STAG1: variants seen among roughly 807,000 people sequenced by gnomAD.
STAG1 encodes the protein STAG1 cohesin complex component, also known as cohesin subunit SA-1.
A neutral mutation model predicts 170.9 loss-of-function variants in STAG1; 26 were observed. The ratio of observed to expected loss-of-function variants is 0.15; its 90% CI spans 0.11 to 0.21. STAG1 has a LOEUF of 0.21. Among genes scored for constraint, STAG1 ranks in the 10% least tolerant of loss-of-function variants. The pLI, the probability that STAG1 is intolerant of heterozygous loss-of-function variation, is 1.00. For synonymous variants in STAG1, 514 were observed against 497.7 expected, an observed-to-expected ratio of 1.03 and a Z score of -0.44; for missense variants, 964 against 1,509.5, an observed-to-expected ratio of 0.64 and a Z score of 5.99.
chr3:136,718,108 T>G (rs2107926314), intron 1 of STAG1, among the ~76,000 whole-genome samples: 1 of 152,272 alleles, frequency 6.6e-6, no homozygotes, highest in South Asian at 2.1e-4. Context: ...TAAACAAAGG[T>G]AAAAAGAAAT....
intron 12 of STAG1, among the ~76,000 whole-genome samples, chr3:136,472,087 T>C (rs1456718417): frequency 6.6e-6 from 1 of 152,166 alleles, no homozygotes; most frequent in Non-Finnish European, 1.5e-5. Flanking sequence ...TCCTCCCGCC[T>C]TGGCCTTCCA....
intron 20 of STAG1, among the ~76,000 whole-genome samples, chr3:136,419,623 G>GTT (rs11320131): frequency 6.3e-4 from 86 of 136,488 alleles, no homozygotes; most frequent in Middle Eastern, 3.7e-3. Flanking sequence ...TTTTGTGTGT[G>GTT]TTTTTTTTTT....
chr3:136,392,982 T>C (rs2087052999), intron 22 of STAG1, among the ~76,000 whole-genome samples: 1 of 152,250 alleles, frequency 6.6e-6, no homozygotes, highest in Non-Finnish European at 1.5e-5. Flanking sequence ...AATAAAAATA[T>C]GTGACCTCTT....
intron 13 of STAG1, among the ~76,000 whole-genome samples, chr3:136,455,647 C>T (rs112596560): frequency 4.6e-5 from 7 of 152,320 alleles, no homozygotes; most frequent in African/African-American, 1.4e-4. Context: ...GGCACATTGG[C>T]CAGTGGGAAT....
At position 136,357,860 on chromosome 3, in the gene STAG1, G is replaced by C; in HGVS notation, c.2937-12C>G. 2 of 1,583,016 alleles carry C rather than the reference G, an allele frequency of 1.3e-6. No homozygotes were observed. The highest frequency in any genetic ancestry group is 1.2e-5 in the South Asian group (1 of 84,488). On this transcript the variant is annotated splice_polypyrimidine_tract_variant and intron_variant, in intron 27 of 33. Transcript: ENST00000383202. ...ACTCTATGCCATCCCTGAAGTAAAA[G>C]AAAATATCAACTTATTTTTCCAGAT...
chr3:136,567,054 TTAAGAGCAGTTAACTATGTGTAG>T (rs1937101934), intron 5 of STAG1, among the ~76,000 whole-genome samples: 1 of 152,196 alleles, frequency 6.6e-6, no homozygotes, highest in South Asian at 2.1e-4. Context: ...AACAAACTAG[TTAAGAGCAGTTAACTATGTGTAG>T]ATGGATGGGA....
chr3:136,705,852 AAAC>A (rs1340365800), intron 1 of STAG1, among the ~76,000 whole-genome samples: 2 of 152,164 alleles, frequency 1.3e-5, no homozygotes, highest in African/African-American at 2.4e-5. Flanking sequence ...GCTAAAAAAC[AAAC>A]AAATGGCCAG....
intron 1 of STAG1, among the ~76,000 whole-genome samples, chr3:136,734,139 A>C (rs538605239): frequency 6.6e-6 from 1 of 151,646 alleles, no homozygotes; most frequent in Non-Finnish European, 1.5e-5. Context: ...CAAAACAAAA[A>C]CAAAACAAAA....
rs758599957 is a variant in STAG1 at position 136,363,475 on chromosome 3, G to A, written c.2686-8C>T. The A allele has an allele frequency of 1.5e-6, 2 of 1,300,936 alleles. No homozygotes were observed. Among genetic ancestry groups the A allele is most frequent in the East Asian group, 2.6e-5 (1 of 38,982 alleles). The allele number at this position is 1,300,936 out of a possible 1,614,324, so 80.6% of individuals were successfully genotyped here. A position where few individuals can be genotyped will look rare whatever the true frequency, so the allele number is the denominator to read the frequency against. Reference sequence around the variant, plus strand: ...ACCATAGTCATTGTAATACTGTGAGGGAAAGAAAGAAAACATGGCTTTAAA... The same window carrying A: ...ACCATAGTCATTGTAATACTGTGAGAGAAAGAAAGAAAACATGGCTTTAAA... On this transcript the variant is annotated splice_polypyrimidine_tract_variant and splice_region_variant and intron_variant, in intron 25 of 33. Coordinates refer to ENST00000383202, the MANE Select transcript of STAG1 (RefSeq NM_005862.3).
chr3:136,513,773 T>C (rs1446138989), intron 7 of STAG1, among the ~76,000 whole-genome samples: 1 of 151,658 alleles, frequency 6.6e-6, no homozygotes, highest in Non-Finnish European at 1.5e-5. Flanking sequence ...CAAGAAACTA[T>C]CAAAAAATAT....
chr3:136,721,907 T>C, intron 1 of STAG1, among the ~76,000 whole-genome samples: 1 of 134,738 alleles, frequency 7.4e-6, no homozygotes. Context: ...AGAGCTAGAC[T>C]CCATCTCAAA....
At chr3:136,586,672 G>A (rs1937843928) in intron 4 of STAG1, 1 of 309,008 alleles carries the variant, frequency 3.2e-6, no homozygotes, top group African/African-American at 2.2e-5. Flanking sequence ...GTGTTTTGGA[G>A]AAATTAAACA....
At chr3:136,344,918 CTT>C (rs1194196190) in intron 29 of STAG1, among the ~76,000 whole-genome samples, 1 of 151,948 alleles carries the variant, frequency 6.6e-6, no homozygotes, top group Non-Finnish European at 1.5e-5. Context: ...CCAGGCTTCT[CTT>C]TTAATTTCTA....
At chr3:136,615,808 A>C (rs1353258117) in intron 3 of STAG1, among the ~76,000 whole-genome samples, 5 of 152,016 alleles carry the variant, frequency 3.3e-5, no homozygotes, top group Admixed American at 2.0e-4. Flanking sequence ...AAAAAAGAAA[A>C]AACATATTCC....
chr3:136,430,372 T>C (rs2088261054), intron 16 of STAG1, among the ~76,000 whole-genome samples: 1 of 152,348 alleles, frequency 6.6e-6, no homozygotes, highest in Non-Finnish European at 1.5e-5. Flanking sequence ...TTTTAACTTG[T>C]AACTGACTTC....
intron 13 of STAG1, among the ~76,000 whole-genome samples, chr3:136,454,693 A>G (rs1205952585): frequency 6.6e-6 from 1 of 152,160 alleles, no homozygotes; most frequent in African/African-American, 2.4e-5. Context: ...GCCAATTTAA[A>G]TAATTCCATT....
At chr3:136,556,966 C>T (rs1402396207) in intron 5 of STAG1, among the ~76,000 whole-genome samples, 1 of 152,092 alleles carries the variant, frequency 6.6e-6, no homozygotes, top group Non-Finnish European at 1.5e-5. Flanking sequence ...GGAGCAATGG[C>T]CGACGCCTGT....
intron 1 of STAG1, among the ~76,000 whole-genome samples, chr3:136,661,154 A>C (rs1941565927): frequency 6.6e-6 from 1 of 152,236 alleles, no homozygotes; most frequent in East Asian, 1.9e-4. Context: ...TAACTCTAGA[A>C]GGCCTAATGT....
At chr3:136,502,167 A>C (rs1428098161) in intron 8 of STAG1, among the ~76,000 whole-genome samples, 1 of 152,088 alleles carries the variant, frequency 6.6e-6, no homozygotes, top group African/African-American at 2.4e-5. Flanking sequence ...AACAAGAGCG[A>C]AACTCCATCC....
Sources: allele counts gnomAD v4.1 joint callset (sites outside exome capture counted in the v4.1 genomes callset), GRCh38; gene constraint gnomAD v4.1.1; transcripts MANE v1.5; gene names NCBI Gene and HGNC (gene_info 2026-07-23, HGNC 2026-07-21).